DOT1L: variants seen among roughly 807,000 people sequenced by gnomAD.
DOT1L encodes the protein DOT1 like histone lysine methyltransferase, also known as histone-lysine N-methyltransferase, H3 lysine-79 specific.
A neutral mutation model predicts 153.3 loss-of-function variants in DOT1L; 33 were observed. The observed-to-expected ratio is 0.22, with a 90% CI of 0.16 to 0.29. The LOEUF (loss-of-function observed/expected upper bound fraction) is 0.29, where lower values mean the gene tolerates loss of function less well. DOT1L is among the 10% of genes least tolerant of loss of function. The probability of loss-of-function intolerance (pLI) is 1.00; values close to 1 mark genes in which losing one functional copy is unlikely to be tolerated. For missense variants in DOT1L, 1,847 were observed against 2,119.9 expected, an observed-to-expected ratio of 0.87 and a Z score of 2.53; for synonymous variants, 1,135 against 965.1, an observed-to-expected ratio of 1.18 and a Z score of -3.26.
At chr19:2,189,711 G>T (rs755870956) in intron 3 of DOT1L, 21 bp from the exon 4 acceptor site, 1 of 1,608,462 alleles carries the variant, frequency 6.2e-7, no homozygotes, top group Non-Finnish European at 8.5e-7. Context: ...CATGACCAGG[G>T]CCTTCCCTTG....
chr19:2,229,280 C>A, intron 27 of DOT1L: 4 of 985,478 alleles, frequency 4.1e-6, no homozygotes, highest in Non-Finnish European at 4.8e-6. Flanking sequence ...ACATGGCGTG[C>A]CTGGCGGCGT....
In DOT1L at chr19:2,207,501, CTGGGGTGGGTGAGGTCTGCA is replaced by C; in HGVS notation, c.857-69_857-50del. On this transcript the variant is annotated intron_variant, in intron 10 of 27. Coordinates refer to ENST00000398665, the MANE Select transcript of DOT1L (RefSeq NM_032482.3). This position sits in a 1 kb window ranked among gnomAD's most constrained non-coding sequence, Gnocchi z 4.5. ...TCAGGCTTCTGTCCCCACGCCTGCC[CTGGGGTGGGTGAGGTCTGCA>C]TGGAGGGGCTGTGGGCAGGCGCAGG... The C allele has an allele frequency of 7.5e-7, 1 of 1,328,292 alleles. No homozygotes were observed. Among genetic ancestry groups the C allele is most frequent in the South Asian group, 1.3e-5 (1 of 78,408 alleles). The allele number at this position is 1,328,292 out of a possible 1,614,324, so 82.3% of individuals were successfully genotyped here.
rs765986875 is a variant in DOT1L at position 2,227,108 on chromosome 19, G to A, written c.4587G>A (p.Val1529=). 2.3e-5 allele frequency: 36 copies of A among 1,553,282 alleles called. No individual in the cohort carries two copies. Among genetic ancestry groups the A allele is most frequent in the Non-Finnish European group, 3.0e-5 (35 of 1,156,276 alleles). Residue 1529 remains valine, a synonymous_variant, in exon 27 of 28, where the codon GTG becomes GTA. Coordinates refer to ENST00000398665, the MANE Select transcript of DOT1L (RefSeq NM_032482.3). ...ACGCCATGGGCAGCTTTTCCGGGGT[G>A]GCAGGCGGCACAGTTGGAGGTAGGC... ...NSHAMGSFSG[V]AGGTVGGN
rs539671298 is a variant in DOT1L, at chr19:2,190,147, C to T, written c.264+352C>T. The stretch of plus-strand genomic sequence containing the variant: ...CGGGCTGTGTGAATGCCGGCCTTCC[C>T]CCTTGGACCTCCCCCACACCGCCTG... On this transcript the variant is annotated intron_variant, in intron 4 of 27. Transcript: ENST00000398665. The surrounding 1 kb of genome is among the most constrained non-coding windows in gnomAD (Gnocchi z 4.8). Among the ~76,000 whole-genome samples the T allele has an allele frequency of 1.3e-5, 2 of 152,076 alleles. No individual in the cohort carries two copies. The highest frequency in any genetic ancestry group is 4.1e-4 in the South Asian group (2 of 4,828).
At position 2,219,252 on chromosome 19, in the gene DOT1L, C is replaced by G. The variant is rs1312314274; in HGVS notation, c.2692-856C>G. ...CGAACTCCTGGCCTCAGTCGACCCA[C>G]CCGCCTCGGCCTCCCACAGTGCTGG... On this transcript the variant is annotated intron_variant, in intron 22 of 27. Transcript: ENST00000398665. Among the ~76,000 whole-genome samples, 3 of 152,360 alleles carry G rather than the reference C, an allele frequency of 2.0e-5. No individual in the cohort carries two copies. In the East Asian group the frequency reaches 5.8e-4, roughly 29 times the overall value.
At position 2,180,683 on chromosome 19, in the gene DOT1L, C is replaced by G. The variant is rs773252858; in HGVS notation, c.82-30C>G. ...TGGGCTCACGGGGTGGAGGATGGCT[C>G]TGCGTCTCAAACTTCTCTCTCTGTT... On this transcript the variant is annotated intron_variant, in intron 1 of 27. Transcript: ENST00000398665. The G allele has an allele frequency of 4.3e-6, 7 of 1,613,644 alleles. No homozygotes were observed. In the South Asian group the frequency reaches 6.6e-5, roughly 15 times the overall value.
chr19:2,203,903 G>A (rs747141986), intron 9 of DOT1L, among the ~76,000 whole-genome samples: 19 of 152,226 alleles, frequency 1.2e-4, no homozygotes, highest in Non-Finnish European at 2.4e-4. Context: ...TGCTGGGCTC[G>A]AAGACAGGCG....
intron 25 of DOT1L, among the ~76,000 whole-genome samples, chr19:2,224,132 G>A (rs1396974644): frequency 6.6e-6 from 1 of 152,164 alleles, no homozygotes; most frequent in Non-Finnish European, 1.5e-5. Flanking sequence ...GTGCATCCTC[G>A]GTCCCTGTCG....
At chr19:2,167,252 T>C (rs896477203) in intron 1 of DOT1L, among the ~76,000 whole-genome samples, 6 of 152,238 alleles carry the variant, frequency 3.9e-5, no homozygotes, top group African/African-American at 1.2e-4. Context: ...GTTTAACATC[T>C]GCATCCCAAC....
chr19:2,209,303 C>T (rs1437421755), intron 12 of DOT1L, among the ~76,000 whole-genome samples: 1 of 152,148 alleles, frequency 6.6e-6, no homozygotes, highest in Non-Finnish European at 1.5e-5. Flanking sequence ...CTTTGCCTGT[C>T]TTCATGCTTT....
intron 1 of DOT1L, among the ~76,000 whole-genome samples, chr19:2,166,843 C>T (rs1211955253): frequency 2.0e-5 from 3 of 152,168 alleles, no homozygotes; most frequent in Non-Finnish European, 4.4e-5. Context: ...AGGTGCAGAA[C>T]CCCCAGCTTC....
In DOT1L at chr19:2,214,524, G is replaced by T; in HGVS notation, c.1851G>T (p.Glu617Asp). Reference protein sequence around the residue: ...LQLDWATLSLEKLLKEKQALK... With the variant: ...LQLDWATLSLDKLLKEKQALK... Reference sequence around the variant, plus strand: ...TGGACTGGGCCACGCTGTCGCTGGAGAAGCTGTTGAAGGAGAAGCAGGCCC... The same window carrying T: ...TGGACTGGGCCACGCTGTCGCTGGATAAGCTGTTGAAGGAGAAGCAGGCCC... Residue 617 changes from glutamate (E) to aspartate (D), a missense_variant, in exon 19 of 28, where the codon GAG (glutamate) becomes GAT (aspartate). Transcript: ENST00000398665. 1 of 1,613,246 alleles carries T rather than the reference G, an allele frequency of 6.2e-7. No homozygotes were observed. Among genetic ancestry groups the T allele is most frequent in the South Asian group, 1.1e-5 (1 of 91,066 alleles).
chr19:2,194,739 G>A (rs1017102333), intron 7 of DOT1L, among the ~76,000 whole-genome samples, 162 bp downstream of exon 7: 6 of 152,018 alleles, frequency 3.9e-5, no homozygotes, highest in African/African-American at 9.7e-5. Context: ...TGGGCGTGGC[G>A]TCTGAGCCGG....
intron 27 of DOT1L, chr19:2,228,830 G>A: frequency 1.0e-6 from 1 of 985,462 alleles, no homozygotes. Flanking sequence ...GCCGGCTGCA[G>A]AGGTCCTGGA....
Position 2,214,308 on chromosome 19 carries a change from C to G in DOT1L, c.1798-163C>G, listed in dbSNP as rs1381811620. On this transcript the variant is annotated intron_variant, in intron 18 of 27. Transcript: ENST00000398665. ...ATCTGTCCGTGGGGGGCCCCAGTCT[C>G]CGCGTGTTCCGCATCCTCAGCCTGC... 3 of 1,257,426 alleles carry G rather than the reference C, an allele frequency of 2.4e-6. No individual in the cohort carries two copies. The African/African-American group carries it at 4.5e-5, about 19-fold the overall frequency. The allele number at this position is 1,257,426 out of a possible 1,614,324, so 77.9% of individuals were successfully genotyped here. A position where few individuals can be genotyped will look rare whatever the true frequency, so the allele number is the denominator to read the frequency against.
At position 2,232,178 on chromosome 19, in the gene DOT1L, C is replaced by T. The variant is rs750268512; in HGVS notation, c.*2386C>T. On this transcript the variant is annotated 3_prime_UTR_variant, in exon 28 of 28. Transcript: ENST00000398665. The stretch of plus-strand genomic sequence containing the variant: ...CTGCTGACTGTGGGTGGGCGGGCGG[C>T]GCCTGGGAGTGGCTCTTGCTCAGGA... The T allele has an allele frequency of 2.7e-5, 6 of 223,076 alleles. No homozygotes were observed. Among genetic ancestry groups the T allele is most frequent in the Admixed American group, 5.7e-5 (1 of 17,394 alleles). 13.8% of individuals were successfully genotyped at this position (223,076 alleles called of 1,614,324 possible).
chr19:2,223,967 A>C (rs2024227134), intron 25 of DOT1L, among the ~76,000 whole-genome samples: 1 of 150,454 alleles, frequency 6.6e-6, no homozygotes, highest in African/African-American at 2.5e-5. Context: ...TGAAACACTC[A>C]CTCCCCTTCT....
intron 7 of DOT1L, among the ~76,000 whole-genome samples, chr19:2,198,681 C>G (rs2144774345): frequency 6.6e-6 from 1 of 152,310 alleles, no homozygotes; most frequent in East Asian, 1.9e-4. Context: ...TCTTGGGGTG[C>G]TGGTGTGGGC....
In DOT1L at chr19:2,216,755, C is replaced by A. The variant is rs957827015; in HGVS notation, c.2398C>A (p.Leu800Met). Reference sequence around the variant, plus strand: ...GCCCGGCAGGCCGGCTGCCAGTGAGCTGCATTCGAGGTGAGTGCCCTGGTG... The same window carrying A: ...GCCCGGCAGGCCGGCTGCCAGTGAGATGCATTCGAGGTGAGTGCCCTGGTG... ...TVPGRPAASE[L>M]HSRAEHTKEN... The change falls in exon 20 of 28, where the codon CTG (leucine) becomes ATG (methionine). Residue 800 changes from leucine to methionine, a missense_variant. Physicochemically the swap from Leu to Met is conservative, Grantham distance 15. Around this residue, in one of 8 missense-constraint regions of DOT1L, gnomAD observed 281 missense variants for 263.6 expected, o/e 1.07. Transcript: ENST00000398665. 7 of 1,591,622 alleles carry A rather than the reference C, an allele frequency of 4.4e-6. No individual in the cohort carries two copies. The highest frequency in any genetic ancestry group is 4.5e-5 in the East Asian group (2 of 44,678).
Sources: allele counts gnomAD v4.1 joint callset (sites outside exome capture counted in the v4.1 genomes callset), GRCh38; gene constraint gnomAD v4.1.1; regional missense constraint gnomAD v4.1.1; non-coding constraint Gnocchi (gnomAD v3.1); transcripts MANE v1.5; gene names NCBI Gene and HGNC (gene_info 2026-07-23, HGNC 2026-07-21).